The following ZNF517 variants were observed in gnomAD, a reference collection of about 807,000 sequenced individuals.
ZNF517 encodes the protein zinc finger protein 517.
Under a neutral mutation model 12.1 loss-of-function variants are expected in ZNF517, and 12 were observed. The observed-to-expected ratio is 0.99, with a 90% CI of 0.63 to 1.61. The LOEUF is 1.61. Ranked by LOEUF, ZNF517 falls within the 40% of genes most tolerant of loss-of-function variation. The pLI is 0.00. For missense variants in ZNF517, 781 were observed against 693.2 expected (o/e 1.13, Z -1.42); for synonymous variants, 388 against 310.2 (o/e 1.25, Z -2.63).
chr8:144,812,674 A>G (rs1358454432), downstream of ZNF517, among the ~76,000 whole-genome samples: 2 of 152,184 alleles, frequency 1.3e-5, no homozygotes, highest in Non-Finnish European at 2.9e-5. Context: ...TGTTACATGG[A>G]TCTCTCTACC....
chr8:144,811,566 C>A (rs1445724362), downstream of ZNF517, among the ~76,000 whole-genome samples: 1 of 123,782 alleles, frequency 8.1e-6, no homozygotes, highest in African/African-American at 3.2e-5. Context: ...CAGACTGCAG[C>A]CTGGAAGCAA....
At position 144,802,865 on chromosome 8, in the gene ZNF517, C is replaced by T; in HGVS notation, c.-45-5C>T. 6.2e-7 allele frequency: 1 copy of T among 1,613,596 alleles called. No individual in the cohort carries two copies. Among genetic ancestry groups the T allele is most frequent in the Non-Finnish European group, 8.5e-7 (1 of 1,179,856 alleles). ...CTTTCCACTCATGGCTCTATGTTCC[C>T]TCAGAATTCACTGTCTGTAGCATCT... On this transcript the variant is annotated splice_region_variant and splice_polypyrimidine_tract_variant and intron_variant, in intron 1 of 4. Coordinates refer to ENST00000359971, the MANE Select transcript of ZNF517 (RefSeq NM_213605.3).
intron 1 of ZNF517, among the ~76,000 whole-genome samples, chr8:144,801,914 T>A (rs1331235382): frequency 6.6e-6 from 1 of 152,094 alleles, no homozygotes; most frequent in Non-Finnish European, 1.5e-5. Context: ...GCGCCTGTAG[T>A]TCCAGCTACT....
In ZNF517 at chr8:144,802,390, A is replaced by G. The variant is rs1827010181; in HGVS notation, c.-45-480A>G. ...AACCCCGTCTCAAACAAAACAAAAC[A>G]ATAATTTTGCTCTAACCAGTCACGC... On this transcript the variant is annotated intron_variant, in intron 1 of 4. Coordinates refer to ENST00000359971, the MANE Select transcript of ZNF517 (RefSeq NM_213605.3). 1.3e-5 allele frequency among the ~76,000 whole-genome samples: 2 copies of G among 152,252 alleles called. 1 individual carries two copies. The highest frequency in any genetic ancestry group is 4.1e-4 in the South Asian group (2 of 4,834).
Position 144,808,103 on chromosome 8 carries a change from T to TC in ZNF517, c.1188dup (p.Glu397ArgfsTer127). On this transcript the variant is annotated frameshift_variant, in exon 5 of 5. Transcript: ENST00000359971. LOFTEE classifies it low-confidence loss of function (END_TRUNC). ...CGCCTACACACGGGCGAGAAGCCGT[T>TC]CGAGTGCGCGGAGTGCGGCAAGGCC... 1 of 1,610,132 alleles carries TC rather than the reference T, an allele frequency of 6.2e-7. No individual in the cohort carries two copies. Among genetic ancestry groups the TC allele is most frequent in the Middle Eastern group, 1.7e-4 (1 of 6,036 alleles).
At chr8:144,800,701 C>T (rs1451717898) in intron 1 of ZNF517, 4 of 985,210 alleles carry the variant, frequency 4.1e-6, no homozygotes, top group African/African-American at 3.5e-5. Context: ...AGTCTGTGCC[C>T]TCTGTGCAGG....
Position 144,807,311 on chromosome 8 carries a change from C to A in ZNF517, c.395C>A (p.Pro132His), listed in dbSNP as rs773688489. The A allele has an allele frequency of 3.9e-6, 6 of 1,553,630 alleles. No homozygotes were observed. The South Asian group carries it at 7.2e-5, about 19-fold the overall frequency. Residue 132 changes from proline (P) to histidine (H), a missense_variant, in exon 5 of 5, where the codon CCT becomes CAT. Physicochemically the swap from Pro to His is moderately conservative, Grantham distance 77. Transcript: ENST00000359971. ...LPWGHPVGGH[P>H]APPHPHGGPE... is the part of the protein sequence containing the mutation. ...TGGGGGCACCCTGTGGGGGGGCACCCTGCACCACCCCACCCGCATGGCGGT... is the reference window on the plus strand; with the variant it reads ...TGGGGGCACCCTGTGGGGGGGCACCATGCACCACCCCACCCGCATGGCGGT...
In ZNF517 at chr8:144,802,903, A is replaced by C; in HGVS notation, c.-12A>C. 3.1e-6 allele frequency: 5 copies of C among 1,613,904 alleles called. No homozygotes were observed. The highest frequency in any genetic ancestry group is 2.5e-6 in the Non-Finnish European group (3 of 1,179,932). On this transcript the variant is annotated 5_prime_UTR_variant, in exon 2 of 5. Coordinates refer to ENST00000359971, the MANE Select transcript of ZNF517 (RefSeq NM_213605.3). The stretch of plus-strand genomic sequence containing the variant: ...GTCTGTAGCATCTGCTCCTCCACAG[A>C]GGGACCCTGGAATGGCGATGGCACT...
At chr8:144,811,699 A>C (rs1827561532), downstream of ZNF517, among the ~76,000 whole-genome samples, 2 of 134,060 alleles carry the variant, frequency 1.5e-5, no homozygotes. Flanking sequence ...CCAGGTGCAG[A>C]CTGCAGCGTG....
At chr8:144,812,865 A>G (rs1255577204), downstream of ZNF517, among the ~76,000 whole-genome samples, 1 of 152,240 alleles carries the variant, frequency 6.6e-6, no homozygotes, top group Non-Finnish European at 1.5e-5. Flanking sequence ...AAGCTTTATC[A>G]AAACATTCTT....
At chr8:144,803,205 A>G (rs1827052330) in intron 2 of ZNF517, 1 of 548,662 alleles carries the variant, frequency 1.8e-6, no homozygotes, top group Non-Finnish European at 3.2e-6. Flanking sequence ...CATTGAGGGC[A>G]GGGTCCCTGT....
chr8:144,808,686 C>G lies in ZNF517; in HGVS notation c.*291C>G. On this transcript the variant is annotated 3_prime_UTR_variant, in exon 5 of 5. Coordinates refer to ENST00000359971, the MANE Select transcript of ZNF517 (RefSeq NM_213605.3). ...AGAGGGAGGGGCAGCTATGCTCAGT[C>G]CCCAAAGAGCAGGGCACAGGGGGCG... The G allele has an allele frequency of 3.1e-6, 1 of 321,564 alleles. No homozygotes were observed. The highest frequency in any genetic ancestry group is 2.1e-5 in the African/African-American group (1 of 46,680). The allele number at this position is 321,564 out of a possible 1,614,324, so 19.9% of individuals were successfully genotyped here.
intron 1 of ZNF517, chr8:144,800,351 GT>G (rs551014118): frequency 1.9e-5 from 7 of 374,194 alleles, no homozygotes; most frequent in African/African-American, 2.2e-5. Flanking sequence ...CTAAAAGCAG[GT>G]TTTTTTCCCC....
Position 144,808,554 on chromosome 8 carries a change from T to G in ZNF517, c.*159T>G, listed in dbSNP as rs1170578657. 4 of 1,116,412 alleles carry G rather than the reference T, an allele frequency of 3.6e-6. No individual in the cohort carries two copies. The Admixed American group carries it at 1.6e-4, about 45-fold the overall frequency. The allele number at this position is 1,116,412 out of a possible 1,614,324, so 69.2% of individuals were successfully genotyped here. On this transcript the variant is annotated 3_prime_UTR_variant, in exon 5 of 5. Transcript: ENST00000359971. ...TCGGCTTCTTGCTCCAGCCGGGCAC[T>G]GGGGAGGGAAAGGGCACCAGGCAGC...
At chr8:144,800,628 C>T (rs550454185) in intron 1 of ZNF517, 1 of 985,366 alleles carries the variant, frequency 1.0e-6, no homozygotes, top group South Asian at 4.7e-5. Context: ...ACAGACTGCC[C>T]TGGACAGACA....
rs201057858 is a variant in ZNF517 at position 144,807,519 on chromosome 8, C to T, written c.603C>T (p.Gly201=). 5.6e-6 allele frequency: 9 copies of T among 1,593,478 alleles called. No individual in the cohort carries two copies. The highest frequency in any genetic ancestry group is 6.8e-6 in the Non-Finnish European group (8 of 1,170,546). ...LLLRHQIIHT[G]AKPFQCTECG... ...TCAGGCACCAGATCATCCACACCGG[C>T]GCCAAGCCCTTCCAGTGCACAGAGT... The change falls in exon 5 of 5, where the codon GGC becomes GGT. Residue 201 remains glycine, a synonymous_variant. Transcript: ENST00000359971.
Position 144,803,627 on chromosome 8 carries a change from G to C in ZNF517, c.34-14G>C. On this transcript the variant is annotated splice_polypyrimidine_tract_variant and intron_variant, in intron 2 of 4. Coordinates refer to ENST00000359971, the MANE Select transcript of ZNF517 (RefSeq NM_213605.3). Reference sequence around the variant, plus strand: ...AGCCCTTGACTGCCTGGATAGCAGAGTATGTGGTTGCAGGAGGCGGTTGTG... The same window carrying C: ...AGCCCTTGACTGCCTGGATAGCAGACTATGTGGTTGCAGGAGGCGGTTGTG... 6.2e-7 allele frequency: 1 copy of C among 1,613,966 alleles called. No homozygotes were observed. Among genetic ancestry groups the C allele is most frequent in the Admixed American group, 1.7e-5 (1 of 60,012 alleles).
intron 1 of ZNF517, among the ~76,000 whole-genome samples, chr8:144,801,176 T>G (rs1041142354): frequency 1.3e-5 from 2 of 152,088 alleles, no homozygotes; most frequent in African/African-American, 2.4e-5. Context: ...GAAACATCTC[T>G]TTACAAAGTG....
chr8:144,802,591 G>A (rs111766125), intron 1 of ZNF517, among the ~76,000 whole-genome samples: 1 of 152,150 alleles, frequency 6.6e-6, no homozygotes, highest in Admixed American at 6.5e-5. Context: ...AGCAAGGAGC[G>A]AGGATAAGGA....
Sources: gnomAD v4.1 joint callset for allele counts (sites outside exome capture counted in the v4.1 genomes callset) on GRCh38, gnomAD v4.1.1 for gene constraint, MANE v1.5 for transcripts, NCBI Gene and HGNC (gene_info 2026-07-23, HGNC 2026-07-21) for gene names.